ERG: variants seen among roughly 807,000 people sequenced by gnomAD.
ERG encodes the protein ETS transcription factor ERG.
ERG carries 9 observed loss-of-function variants against 55.3 expected under a neutral mutation model. The ratio of observed to expected loss-of-function variants is 0.16; its 90% CI spans 0.10 to 0.28. The LOEUF is 0.28. Ranked by LOEUF, ERG falls within the 10% of genes least tolerant of loss-of-function variation. The probability of loss-of-function intolerance (pLI) is 1.00; values close to 1 mark genes in which losing one functional copy is unlikely to be tolerated. For synonymous variants in ERG, 223 were observed against 237.3 expected (o/e 0.94, Z 0.55); for missense variants, 434 against 631.6 (o/e 0.69, Z 3.35).
At chr21:38,373,536 T>C in the ERG span, among the ~76,000 whole-genome samples, 182 of 152,320 alleles carry the variant, frequency 1.2e-3, no homozygotes, top group African/African-American at 3.8e-3. Flanking sequence ...GTAGTACCAT[T>C]GAGAAAGTAG....
chr21:38,505,377 T>C (rs1406911903), intron 2 of ERG, among the ~76,000 whole-genome samples: 1 of 152,136 alleles, frequency 6.6e-6, no homozygotes, highest in Non-Finnish European at 1.5e-5. Context: ...CTCCACACTG[T>C]ATTATCTCCC....
intron 1 of ERG, among the ~76,000 whole-genome samples, chr21:38,476,850 TG>T (rs1408551644): frequency 6.6e-6 from 1 of 152,000 alleles, no homozygotes; most frequent in African/African-American, 2.4e-5. Context: ...TTGGTGTGAG[TG>T]GGCTGAGGTT....
rs1366028156 is a variant in ERG, at chr21:38,656,557, G to C, written c.-150+5101C>G. Among the ~76,000 whole-genome samples, 4 of 152,086 alleles carry C rather than the reference G, an allele frequency of 2.6e-5. No individual in the cohort carries two copies. The East Asian group carries it at 7.7e-4, about 29-fold the overall frequency. On this transcript the variant is annotated intron_variant, in intron 1 of 10. Transcript: ENST00000398910. The stretch of plus-strand genomic sequence containing the variant: ...AGAAAAATGTGCACGCTCCAATTTA[G>C]TCTTTCTTTTACTTTCCAACTTTAA...
chr21:38,474,811 GATTAAT>G (rs2059172798), intron 1 of ERG, among the ~76,000 whole-genome samples: 1 of 151,784 alleles, frequency 6.6e-6, no homozygotes, highest in Admixed American at 6.6e-5. Context: ...AATGTCTCTA[GATTAAT>G]GATAATTTAT....
intron 1 of ERG, among the ~76,000 whole-genome samples, chr21:38,630,015 T>C (rs569651306): frequency 6.6e-6 from 1 of 152,014 alleles, no homozygotes; most frequent in African/African-American, 2.4e-5. Flanking sequence ...AAAGAACAAA[T>C]ATCATATGAC....
chr21:38,534,275 T>C (rs1173219067), intron 2 of ERG, among the ~76,000 whole-genome samples: 3 of 152,024 alleles, frequency 2.0e-5, no homozygotes, highest in African/African-American at 7.2e-5. Context: ...CAATTTGTGA[T>C]TTTTTTTAAT....
At chr21:38,654,699 T>C (rs2836601) in intron 1 of ERG, among the ~76,000 whole-genome samples, 16,376 of 152,186 alleles carry the variant, frequency 0.11, 2,344 homozygotes, top group African/African-American at 0.33. Context: ...AGTTTTACTG[T>C]CGGGGTCAAA....
intron 1 of ERG, among the ~76,000 whole-genome samples, chr21:38,494,144 C>A (rs976316546): frequency 2.0e-5 from 3 of 152,148 alleles, no homozygotes; most frequent in African/African-American, 7.2e-5. Flanking sequence ...TCTGCGGCCA[C>A]GTAAGGTGAG....
chr21:38,645,258 C>T (rs2060448943), intron 1 of ERG, among the ~76,000 whole-genome samples: 1 of 152,124 alleles, frequency 6.6e-6, no homozygotes, highest in Admixed American at 6.5e-5. Context: ...TTACTAAGCT[C>T]AAAGGGAATT....
At chr21:38,616,554 C>G (rs1425504037) in intron 1 of ERG, among the ~76,000 whole-genome samples, 1 of 152,026 alleles carries the variant, frequency 6.6e-6, no homozygotes, top group East Asian at 1.9e-4. Context: ...CTTCCCAACA[C>G]CTAGCACTAT....
At chr21:38,628,533 G>A (rs1329032343) in intron 1 of ERG, among the ~76,000 whole-genome samples, 1 of 152,140 alleles carries the variant, frequency 6.6e-6, no homozygotes, top group Non-Finnish European at 1.5e-5. Context: ...CTGCTCAATA[G>A]CCACCTGCAC....
intron 2 of ERG, among the ~76,000 whole-genome samples, chr21:38,561,588 T>G (rs1199769666): frequency 6.6e-6 from 1 of 152,152 alleles, no homozygotes; most frequent in Non-Finnish European, 1.5e-5. Context: ...TAATGACAAT[T>G]AAATGTAAAT....
the ERG span, among the ~76,000 whole-genome samples, chr21:38,370,523 T>C: frequency 6.6e-6 from 1 of 152,142 alleles, no homozygotes; most frequent in Non-Finnish European, 1.5e-5. Context: ...TATTCTCCTG[T>C]AATACCTTCT....
At chr21:38,583,482 T>G (rs1179258284) in intron 1 of ERG, among the ~76,000 whole-genome samples, 1 of 107,516 alleles carries the variant, frequency 9.3e-6, no homozygotes, top group East Asian at 2.8e-4. Flanking sequence ...AGAAACTGAA[T>G]GCATCTCCCA....
At chr21:38,516,641 G>C (rs138066552) in intron 2 of ERG, among the ~76,000 whole-genome samples, 316 of 151,798 alleles carry the variant, frequency 2.1e-3, no homozygotes, top group African/African-American at 7.3e-3. Flanking sequence ...AAAGCAAAAA[G>C]GAGCCTGAAT....
chr21:38,448,235 A>G (rs758454435), intron 1 of ERG, among the ~76,000 whole-genome samples: 4 of 152,220 alleles, frequency 2.6e-5, no homozygotes, highest in Non-Finnish European at 4.4e-5. Flanking sequence ...TCGATTTAGG[A>G]AGGAAAAAAC....
At position 38,460,165 on chromosome 21, in the gene ERG, G is replaced by T. The variant is rs573366372; in HGVS notation, c.19-14544C>A. On this transcript the variant is annotated intron_variant, in intron 1 of 9. Transcript: ENST00000288319. The surrounding 1 kb of genome is among the most constrained non-coding windows in gnomAD (Gnocchi z 5.0). ...AGAACAAGGCCAGAGTGGACTGCGG[G>T]GGCTGCACGAGGAACAATGGGACCA... Among the ~76,000 whole-genome samples the T allele has an allele frequency of 1.3e-5, 2 of 152,158 alleles. No homozygotes were observed. Among genetic ancestry groups the T allele is most frequent in the South Asian group, 4.1e-4 (2 of 4,824 alleles).
intron 1 of ERG, among the ~76,000 whole-genome samples, chr21:38,473,264 C>T (rs1382711537): frequency 6.6e-6 from 1 of 151,550 alleles, no homozygotes; most frequent in Non-Finnish European, 1.5e-5. Context: ...TCAGCCTCAT[C>T]TGGATATTAC....
At chr21:38,520,279 C>A (rs148270623) in intron 2 of ERG, among the ~76,000 whole-genome samples, 183 of 152,288 alleles carry the variant, frequency 1.2e-3, no homozygotes, top group Non-Finnish European at 2.1e-3. Flanking sequence ...ATGGCCTTCA[C>A]TGAGAAGTGG....
Sources: allele counts gnomAD v4.1 joint callset (sites outside exome capture counted in the v4.1 genomes callset), GRCh38; gene constraint gnomAD v4.1.1; non-coding constraint Gnocchi (gnomAD v3.1); transcripts MANE v1.5; gene names NCBI Gene and HGNC (gene_info 2026-07-23, HGNC 2026-07-21).